The following YEATS2 variants were observed in gnomAD, a reference collection of about 807,000 sequenced individuals.
YEATS2 encodes the protein YEATS domain containing 2.
YEATS2 carries 77 observed loss-of-function variants against 163.2 expected under a neutral mutation model. That is an observed-to-expected ratio of 0.47 (90% CI 0.39 to 0.57). The LOEUF (loss-of-function observed/expected upper bound fraction) is 0.57. Ranked by LOEUF, YEATS2 falls within the 20% of genes least tolerant of loss-of-function variation. The probability of loss-of-function intolerance (pLI) is 0.00; values close to 1 mark genes in which losing one functional copy is unlikely to be tolerated. For synonymous variants in YEATS2, 631 were observed against 645.1 expected (o/e 0.98, Z 0.33); for missense variants, 1,549 against 1,729.8 (o/e 0.90, Z 1.85).
intron 11 of YEATS2, among the ~76,000 whole-genome samples, chr3:183,755,785 C>CTTTTTTTTTTTTTTT: frequency 1.3e-5 from 1 of 76,062 alleles, no homozygotes. Flanking sequence ...CAGAGTTTTG[C>CTTTTTTTTTTTTTTT]TCTTGTTGCC....
At chr3:183,713,293 G>T (rs2314086) in intron 1 of YEATS2, among the ~76,000 whole-genome samples, 3 of 151,990 alleles carry the variant, frequency 2.0e-5, no homozygotes, top group Non-Finnish European at 4.4e-5. Flanking sequence ...GGCTGGGCAC[G>T]GTGGCTCACA....
intron 13 of YEATS2, 50 bp from the exon 14 acceptor site, chr3:183,761,457 G>C: frequency 6.8e-7 from 1 of 1,479,262 alleles, no homozygotes; most frequent in Non-Finnish European, 9.5e-7. Flanking sequence ...CTAGATATCT[G>C]AAATCACCCA....
intron 9 of YEATS2, among the ~76,000 whole-genome samples, chr3:183,751,730 A>C (rs1720185773): frequency 6.6e-6 from 1 of 152,206 alleles, no homozygotes; most frequent in South Asian, 2.1e-4. Context: ...AGAAGGTGCT[A>C]CTTCATTGAG....
Position 183,722,112 on chromosome 3 carries a change from G to A in YEATS2, c.513G>A (p.Gln171=), listed in dbSNP as rs1446070784. 1.2e-6 allele frequency: 2 copies of A among 1,613,994 alleles called. No homozygotes were observed. Among genetic ancestry groups the A allele is most frequent in the Admixed American group, 1.7e-5 (1 of 60,008 alleles). Residue 171 remains glutamine, a synonymous_variant, in exon 5 of 31, where the codon CAG becomes CAA. Coordinates refer to ENST00000305135, the MANE Select transcript of YEATS2 (RefSeq NM_018023.5). Reference sequence around the variant, plus strand: ...AAAGACTCTCAAACAACATGGAGCAGAGACCAAGCCGAAATACTGGAAGGG... The same window carrying A: ...AAAGACTCTCAAACAACATGGAGCAAAGACCAAGCCGAAATACTGGAAGGG... The part of the protein sequence containing the change: ...IEERLSNNME[Q]RPSRNTGRDT...
At chr3:183,761,925 A>G (rs948157177) in intron 14 of YEATS2, among the ~76,000 whole-genome samples, 172 bp from the exon 15 acceptor site, 3 of 152,210 alleles carry the variant, frequency 2.0e-5, no homozygotes, top group African/African-American at 4.8e-5. Context: ...AATAGCTGGT[A>G]TGGACTGTAT....
intron 21 of YEATS2, chr3:183,793,317 A>T: frequency 9.1e-7 from 1 of 1,099,518 alleles, no homozygotes; most frequent in Non-Finnish European, 1.1e-6. Context: ...GTTTGGATAG[A>T]GAACAAAAAA....
intron 7 of YEATS2, among the ~76,000 whole-genome samples, chr3:183,735,567 G>T (rs545000563): frequency 6.6e-6 from 1 of 152,140 alleles, no homozygotes; most frequent in Non-Finnish European, 1.5e-5. Flanking sequence ...TCCGTTGTTA[G>T]CTGCTGGCTC....
At chr3:183,769,840 C>T (rs1176821503) in intron 15 of YEATS2, among the ~76,000 whole-genome samples, 1 of 151,896 alleles carries the variant, frequency 6.6e-6, no homozygotes, top group Non-Finnish European at 1.5e-5. Context: ...TGCCCACCAC[C>T]ACGCCCAGCT....
rs768569905 is a variant in YEATS2, at chr3:183,800,485, A to G, written c.3345A>G (p.Thr1115=). 1.2e-6 allele frequency: 2 copies of G among 1,614,120 alleles called. No homozygotes were observed. Among genetic ancestry groups the G allele is most frequent in the Admixed American group, 3.3e-5 (2 of 60,024 alleles). Residue 1115 remains threonine (T), a synonymous_variant, in exon 24 of 31, where the codon ACA becomes ACG. Coordinates refer to ENST00000305135, the MANE Select transcript of YEATS2 (RefSeq NM_018023.5). The part of the protein sequence containing the change: ...AVAKVKTEPE[T]PGPSCLSQEG... The stretch of plus-strand genomic sequence containing the variant: ...TTGTAGTGAAGACTGAACCAGAAAC[A>G]CCTGGACCGAGTTGCCTCTCTCAGG...
chr3:183,770,444 T>G (rs1020306230), intron 15 of YEATS2, among the ~76,000 whole-genome samples: 2 of 152,184 alleles, frequency 1.3e-5, no homozygotes, highest in African/African-American at 4.8e-5. Context: ...ATCATTTCAT[T>G]CTACCTTCTA....
intron 9 of YEATS2, among the ~76,000 whole-genome samples, chr3:183,751,252 C>T (rs1301141298): frequency 6.6e-6 from 1 of 152,174 alleles, no homozygotes; most frequent in African/African-American, 2.4e-5. Flanking sequence ...GATCATTTGA[C>T]CATATATGTG....
rs1721524276 is a variant in YEATS2, at chr3:183,762,947, A to T, written c.1947+668A>T. Among the ~76,000 whole-genome samples, 4 of 152,072 alleles carry T rather than the reference A, an allele frequency of 2.6e-5. No homozygotes were observed. The South Asian group carries it at 8.3e-4, about 32-fold the overall frequency. ...ATGCCTGTAATCCCAGCTACTCGGG[A>T]GACTGAGGCAGGAGAATTGCTTGAA... On this transcript the variant is annotated intron_variant, in intron 15 of 30. Coordinates refer to ENST00000305135, the MANE Select transcript of YEATS2 (RefSeq NM_018023.5).
Position 183,718,605 on chromosome 3 carries a change from C to T in YEATS2, c.291+13C>T, listed in dbSNP as rs1225754576. On this transcript the variant is annotated intron_variant, in intron 4 of 30. Transcript: ENST00000305135. ...AAAAGTTTCTGAGGTAAGCATTCCT[C>T]ATACCCAGTCATTTTCCAGCCACTC... 6 of 1,585,048 alleles carry T rather than the reference C, an allele frequency of 3.8e-6. 1 individual carries two copies. Among genetic ancestry groups the T allele is most frequent in the African/African-American group, 2.7e-5 (2 of 74,224 alleles).
chr3:183,736,758 T>C lies in YEATS2; in HGVS notation c.853T>C (p.Phe285Leu). The C allele has an allele frequency of 1.9e-6, 3 of 1,613,824 alleles. No individual in the cohort carries two copies. Among genetic ancestry groups the C allele is most frequent in the Non-Finnish European group, 2.5e-6 (3 of 1,179,912 alleles). ...CCTGACCAGAAGAGGCTGGGGTGAG[T>C]TTCCCGTCAGAGTTCAAGTTCATTT... ...FHLTRRGWGE[F>L]PVRVQVHFKD... is the part of the protein sequence containing the mutation. Residue 285 changes from phenylalanine to leucine, a missense_variant, in exon 8 of 31, where the codon TTT (phenylalanine) becomes CTT (leucine). Physicochemically the swap from Phe to Leu is conservative, Grantham distance 22 (BLOSUM62 0). Transcript: ENST00000305135.
chr3:183,709,948 G>C (rs561681572), intron 1 of YEATS2, among the ~76,000 whole-genome samples: 30 of 152,234 alleles, frequency 2.0e-4, no homozygotes, highest in Admixed American at 1.8e-3. Flanking sequence ...CCAAAGTGCT[G>C]GGATTACAGG....
At position 183,806,184 on chromosome 3, in the gene YEATS2, A is replaced by G. The variant is rs149694721; in HGVS notation, c.3785-682A>G. ...AAGTTGAAAATATCCTAAGTCAAAA[A>G]TGATATTTTCAACTTACGATGGGTT... On this transcript the variant is annotated intron_variant, in intron 27 of 30. Transcript: ENST00000305135. The G allele has an allele frequency of 2.1e-3, 852 of 407,630 alleles. 23 individuals are homozygous for G. The East Asian group carries it at 0.051, about 24-fold the overall frequency. 25.3% of individuals were successfully genotyped at this position (407,630 alleles called of 1,614,324 possible).
intron 12 of YEATS2, 65 bp from the exon 13 acceptor site, chr3:183,758,797 A>C: frequency 8.9e-7 from 1 of 1,117,900 alleles, no homozygotes. Context: ...GATGGTAGAA[A>C]TGCTTTAAAA....
rs73887511 is a variant in YEATS2 at position 183,751,931 on chromosome 3, T to C, written c.970-142T>C. 1,894 of 855,754 alleles carry C rather than the reference T, an allele frequency of 2.2e-3. 18 individuals are homozygous for C. The highest frequency in any genetic ancestry group is 0.019 in the African/African-American group (1,108 of 59,712). 53.0% of individuals were successfully genotyped at this position (855,754 alleles called of 1,614,324 possible). Reference sequence around the variant, plus strand: ...AGATTACCTTCTAGAATAAATCCTTTAGTTCTTCAGATTGAAATTGCCTTT... The same window carrying C: ...AGATTACCTTCTAGAATAAATCCTTCAGTTCTTCAGATTGAAATTGCCTTT... On this transcript the variant is annotated intron_variant, in intron 9 of 30. Coordinates refer to ENST00000305135, the MANE Select transcript of YEATS2 (RefSeq NM_018023.5).
At chr3:183,738,091 G>T (rs1718540797) in intron 8 of YEATS2, among the ~76,000 whole-genome samples, 1 of 152,146 alleles carries the variant, frequency 6.6e-6, no homozygotes, top group Non-Finnish European at 1.5e-5. Context: ...ATAGGAGGAT[G>T]AAAGTAATTG....
Sources: gnomAD v4.1 joint callset for allele counts (sites outside exome capture counted in the v4.1 genomes callset) on GRCh38, gnomAD v4.1.1 for gene constraint, MANE v1.5 for transcripts, NCBI Gene and HGNC (gene_info 2026-07-23, HGNC 2026-07-21) for gene names.